Variants in PDE1C observed in about 807,000 individuals in gnomAD.
PDE1C encodes phosphodiesterase 1C.
In PDE1C, 62 loss-of-function variants were observed where a neutral mutation model predicts 93.1. The ratio of observed to expected loss-of-function variants is 0.67; its 90% CI spans 0.54 to 0.82. The LOEUF is 0.82. Among genes scored for constraint, PDE1C ranks in the 40% least tolerant of loss-of-function variants. The pLI is 0.00. For missense variants in PDE1C, 742 were observed against 884.6 expected (o/e 0.84, Z 2.04); for synonymous variants, 325 against 310.1 (o/e 1.05, Z -0.50).
At chr7:31,900,269 C>T (rs963506902) in intron 2 of PDE1C, among the ~76,000 whole-genome samples, 1 of 152,078 alleles carries the variant, frequency 6.6e-6, no homozygotes, top group Non-Finnish European at 1.5e-5. Context: ...TATTAAATGT[C>T]TGTTGCATAA....
chr7:31,710,539 C>G, the PDE1C span, among the ~76,000 whole-genome samples: 1 of 152,180 alleles, frequency 6.6e-6, no homozygotes, highest in Admixed American at 6.5e-5. Flanking sequence ...TTTCCCTGTG[C>G]TGTCCAGGTT....
chr7:31,893,299 A>G (rs1798875972), intron 2 of PDE1C, among the ~76,000 whole-genome samples: 1 of 152,198 alleles, frequency 6.6e-6, no homozygotes, highest in South Asian at 2.1e-4. Flanking sequence ...CCTTCCAACT[A>G]TACATCATTT....
intron 2 of PDE1C, among the ~76,000 whole-genome samples, chr7:31,976,553 A>G (rs1220884830): frequency 1.3e-5 from 2 of 152,308 alleles, no homozygotes; most frequent in East Asian, 3.9e-4. Flanking sequence ...ATTAACTAGT[A>G]CTTTTTCCTC....
chr7:32,337,305 G>A (rs1783646730), intron 1 of PDE1C, among the ~76,000 whole-genome samples: 1 of 152,168 alleles, frequency 6.6e-6, no homozygotes, highest in South Asian at 2.1e-4. Flanking sequence ...CCCTGAAGGT[G>A]ATAGTGTAGC....
chr7:31,795,348 A>AT (rs999878699), intron 16 of PDE1C, among the ~76,000 whole-genome samples: 11 of 151,866 alleles, frequency 7.2e-5, no homozygotes, highest in East Asian at 1.9e-4. Flanking sequence ...ACAAAATATC[A>AT]TTTTTTTCCA....
intron 1 of PDE1C, among the ~76,000 whole-genome samples, chr7:32,420,124 TACAC>T (rs1156625491): frequency 0.026 from 333 of 13,058 alleles, 63 homozygotes; most frequent in East Asian, 0.057. Context: ...TATATATATA[TACAC>T]ACACACACAC....
chr7:32,301,870 A>G (rs1342702180), upstream of PDE1C, among the ~76,000 whole-genome samples: 2 of 152,170 alleles, frequency 1.3e-5, no homozygotes, highest in East Asian at 3.8e-4. Context: ...CTGGCCCATC[A>G]CCTGTTTTTG....
intron 2 of PDE1C, among the ~76,000 whole-genome samples, chr7:31,960,224 C>A (rs115414669): frequency 6.6e-6 from 1 of 152,098 alleles, no homozygotes; most frequent in Non-Finnish European, 1.5e-5. Context: ...AAAACTGAAG[C>A]GCACTATTTT....
At chr7:32,362,694 T>C (rs1272271523) in intron 1 of PDE1C, among the ~76,000 whole-genome samples, 1 of 152,164 alleles carries the variant, frequency 6.6e-6, no homozygotes, top group African/African-American at 2.4e-5. Context: ...CCTCCTCTCC[T>C]GCCTTTTCTC....
At chr7:31,703,749 C>T in the PDE1C span, among the ~76,000 whole-genome samples, 1 of 152,214 alleles carries the variant, frequency 6.6e-6, no homozygotes, top group Non-Finnish European at 1.5e-5. Flanking sequence ...AGACATCTCT[C>T]ATTAGCCCTT....
At chr7:32,337,716 A>G (rs1783656831) in intron 1 of PDE1C, among the ~76,000 whole-genome samples, 1 of 106,134 alleles carries the variant, frequency 9.4e-6, no homozygotes, top group Non-Finnish European at 2.4e-5. Flanking sequence ...AGGAGAGGAG[A>G]AAAGGGAAAG....
intron 1 of PDE1C, among the ~76,000 whole-genome samples, chr7:32,288,983 T>C (rs1812174366): frequency 6.6e-6 from 1 of 152,236 alleles, no homozygotes; most frequent in African/African-American, 2.4e-5. Context: ...GGAGTCAGTA[T>C]TTTTCAATAT....
chr7:32,404,572 G>A (rs1785014436), intron 1 of PDE1C, among the ~76,000 whole-genome samples: 1 of 151,990 alleles, frequency 6.6e-6, no homozygotes, highest in African/African-American at 2.4e-5. Flanking sequence ...TGTTGCCCAG[G>A]CTGATTTCAA....
intron 1 of PDE1C, among the ~76,000 whole-genome samples, chr7:32,233,163 A>C (rs2128863849): frequency 6.6e-6 from 1 of 152,354 alleles, no homozygotes; most frequent in South Asian, 2.1e-4. Flanking sequence ...TCACTCTTGA[A>C]ACGGATGGAA....
At chr7:32,158,920 T>C (rs1801742736) in intron 3 of PDE1C, among the ~76,000 whole-genome samples, 1 of 152,210 alleles carries the variant, frequency 6.6e-6, no homozygotes, top group Non-Finnish European at 1.5e-5. Flanking sequence ...TACCTGCCTC[T>C]TGTTCACACA....
At chr7:31,773,238 T>G (rs1795617031) in intron 17 of PDE1C, among the ~76,000 whole-genome samples, 1 of 152,162 alleles carries the variant, frequency 6.6e-6, no homozygotes, top group Admixed American at 6.5e-5. Flanking sequence ...TTTACAGCCC[T>G]GTAGGCTTTG....
intron 2 of PDE1C, among the ~76,000 whole-genome samples, chr7:31,977,071 G>T (rs1345432778): frequency 6.6e-6 from 1 of 152,132 alleles, no homozygotes; most frequent in Non-Finnish European, 1.5e-5. Flanking sequence ...CTAAATTTAA[G>T]AATTATTACT....
the PDE1C span, among the ~76,000 whole-genome samples, chr7:31,721,672 A>G: frequency 1.3e-5 from 2 of 152,224 alleles, no homozygotes; most frequent in African/African-American, 4.8e-5. Flanking sequence ...GCTAATCAAC[A>G]TAATGGAATT....
intron 3 of PDE1C, among the ~76,000 whole-genome samples, chr7:32,079,245 G>A (rs944246757): frequency 7.1e-6 from 1 of 141,734 alleles, no homozygotes; most frequent in Admixed American, 7.0e-5. Flanking sequence ...GTATACAATG[G>A]TCAATTAAAA....
Sources: gnomAD v4.1 joint callset for allele counts (sites outside exome capture counted in the v4.1 genomes callset) on GRCh38, gnomAD v4.1.1 for gene constraint, MANE v1.5 for transcripts, NCBI Gene and HGNC (gene_info 2026-07-23, HGNC 2026-07-21) for gene names.